MTTP: variants seen among roughly 807,000 people sequenced by gnomAD.
MTTP encodes the protein microsomal triglyceride transfer protein, also known as microsomal triglyceride transfer protein large subunit.
MTTP carries 49 observed loss-of-function variants against 90.6 expected under a neutral mutation model. That is an observed-to-expected ratio of 0.54 (90% CI 0.43 to 0.69). The LOEUF (loss-of-function observed/expected upper bound fraction) is 0.69, where lower values mean the gene tolerates loss of function less well. Ranked by LOEUF, MTTP falls within the 30% of genes least tolerant of loss-of-function variation. The pLI is 0.00. For missense variants in MTTP, 945 were observed against 1,067.5 expected (o/e 0.89, Z 1.60); for synonymous variants, 347 against 384.2 (o/e 0.90, Z 1.13).
intron 3 of MTTP, chr4:99,583,724 T>A (rs1725185606): frequency 4.7e-6 from 3 of 638,488 alleles, no homozygotes; most frequent in Non-Finnish European, 8.2e-6. Context: ...CCAATTTGTT[T>A]CCTATTTTTC....
chr4:99,605,861 C>T (rs1358787303), intron 10 of MTTP, among the ~76,000 whole-genome samples: 2 of 89,956 alleles, frequency 2.2e-5, no homozygotes, highest in African/African-American at 1.5e-4. Context: ...TTCTCCCCAA[C>T]CCCATGTATG....
At chr4:99,590,257 G>A (rs4699756) in intron 4 of MTTP, among the ~76,000 whole-genome samples, 25,763 of 151,948 alleles carry the variant, frequency 0.17, 2,718 homozygotes, top group East Asian at 0.44. Flanking sequence ...CACCATGCCC[G>A]GCTTGTATTT....
At chr4:99,580,959 T>C (rs569827950) in intron 1 of MTTP, among the ~76,000 whole-genome samples, 1 of 152,306 alleles carries the variant, frequency 6.6e-6, no homozygotes, top group East Asian at 1.9e-4. Context: ...CCCATATGTA[T>C]ATTTCCTGAG....
rs184548983 is a variant in MTTP, at chr4:99,612,572, A to G, written c.1990-341A>G. On this transcript the variant is annotated intron_variant, in intron 14 of 17. Coordinates refer to ENST00000265517, the MANE Select transcript of MTTP (RefSeq NM_001386140.1). ...CTAAGAGTCTGTAGGATGCCATCAT[A>G]AAATAGAAAGCTCATGGTTTTCATA... Among the ~76,000 whole-genome samples, 287 of 152,276 alleles carry G rather than the reference A, an allele frequency of 1.9e-3. 3 individuals are homozygous for G. The highest frequency in any genetic ancestry group is 3.8e-3 in the Non-Finnish European group (256 of 68,016).
In MTTP at chr4:99,623,553, A is replaced by G. The variant is rs968580596; in HGVS notation, c.*705A>G. 6.5e-6 allele frequency: 1 copy of G among 152,674 alleles called. No homozygotes were observed. The highest frequency in any genetic ancestry group is 2.4e-5 in the African/African-American group (1 of 41,462). 9.5% of individuals were successfully genotyped at this position (152,674 alleles called of 1,614,324 possible). ...CCAGCCCTGCAAAAATATTGGACCTAGCACAGAGGAATCAGGAAAATTAAT... is the reference window on the plus strand; with the variant it reads ...CCAGCCCTGCAAAAATATTGGACCTGGCACAGAGGAATCAGGAAAATTAAT... On this transcript the variant is annotated 3_prime_UTR_variant, in exon 18 of 18. Coordinates refer to ENST00000265517, the MANE Select transcript of MTTP (RefSeq NM_001386140.1).
chr4:99,564,403 C>T, intron 1 of MTTP: 1 of 646,464 alleles, frequency 1.5e-6, no homozygotes, highest in Middle Eastern at 4.5e-4. Flanking sequence ...TTACATAACT[C>T]AAGTGGAAAA....
chr4:99,571,787 T>G (rs1724847800), upstream of MTTP, among the ~76,000 whole-genome samples: 1 of 152,078 alleles, frequency 6.6e-6, no homozygotes, highest in South Asian at 2.1e-4. Context: ...CTTAAGAAAT[T>G]TTTTCAAGAT....
intron 1 of MTTP, among the ~76,000 whole-genome samples, chr4:99,580,603 A>G (rs1465258928): frequency 6.7e-6 from 1 of 149,168 alleles, no homozygotes; most frequent in Non-Finnish European, 1.5e-5. Context: ...AAAAAAAAGA[A>G]TCATGTCTCT....
intron 1 of MTTP, among the ~76,000 whole-genome samples, chr4:99,576,334 G>A (rs1222187236): frequency 2.0e-5 from 3 of 152,116 alleles, no homozygotes; most frequent in African/African-American, 7.2e-5. Context: ...TACTTATCAT[G>A]AGCTTCTCCT....
At chr4:99,611,504 C>G in intron 14 of MTTP, 51 bp downstream of exon 14, 2 of 1,601,034 alleles carry the variant, frequency 1.2e-6, no homozygotes, top group South Asian at 1.1e-5. Context: ...AGAAATCAGG[C>G]TGAGGTAAAA....
At chr4:99,591,845 A>G in intron 6 of MTTP, 55 bp downstream of exon 6, 1 of 1,442,952 alleles carries the variant, frequency 6.9e-7, no homozygotes, top group East Asian at 2.4e-5. Flanking sequence ...ATATTATTAT[A>G]CTTGATTTGT....
chr4:99,570,386 CTCTT>C (rs138119446), upstream of MTTP, among the ~76,000 whole-genome samples: 21,527 of 151,882 alleles, frequency 0.14, 1,901 homozygotes, highest in East Asian at 0.43. Flanking sequence ...TTGTCTGCTT[CTCTT>C]TCTTCTTGAA....
intron 1 of MTTP, 116 bp downstream of exon 1, chr4:99,575,086 A>C: frequency 8.3e-7 from 1 of 1,207,782 alleles, no homozygotes; most frequent in Non-Finnish European, 1.2e-6. Flanking sequence ...TGACTAAACT[A>C]TCTTCAAAAC....
intron 1 of MTTP, among the ~76,000 whole-genome samples, chr4:99,576,694 CAAAAAA>C (rs10630406): frequency 1.4e-5 from 1 of 70,002 alleles, no homozygotes; most frequent in African/African-American, 6.0e-5. Context: ...GACTCCGTCT[CAAAAAA>C]AAAAAAAAAA....
At chr4:99,591,208 G>A in intron 4 of MTTP, 27 bp from the exon 5 acceptor site, 1 of 1,504,158 alleles carries the variant, frequency 6.6e-7, no homozygotes. Context: ...GGAATCCCAA[G>A]CATTATGCCC....
intron 1 of MTTP, among the ~76,000 whole-genome samples, chr4:99,565,728 A>C (rs1332966720): frequency 6.6e-6 from 1 of 152,250 alleles, no homozygotes. Flanking sequence ...TCCTTGAGGC[A>C]GAGGACATAG....
At chr4:99,574,417 C>G (rs1057269484), upstream of MTTP, among the ~76,000 whole-genome samples, 1 of 152,106 alleles carries the variant, frequency 6.6e-6, no homozygotes, top group South Asian at 2.1e-4. Context: ...GATGTCCATA[C>G]AAGAAAAATT....
upstream of MTTP, among the ~76,000 whole-genome samples, chr4:99,574,086 C>T (rs879017520): frequency 6.6e-6 from 1 of 152,192 alleles, no homozygotes; most frequent in South Asian, 2.1e-4. Flanking sequence ...AATTCCCCCT[C>T]TTAATCTCTT....
rs767606327 is a variant in MTTP at position 99,613,118 on chromosome 4, T to G, written c.2195T>G (p.Ile732Ser). 6.2e-6 allele frequency: 10 copies of G among 1,613,820 alleles called. No homozygotes were observed. Among genetic ancestry groups the G allele is most frequent in the Non-Finnish European group, 8.5e-6 (10 of 1,179,762 alleles). The change falls in exon 15 of 18, where the codon ATT (isoleucine) becomes AGT (serine). Residue 732 changes from isoleucine (I) to serine (S), a missense_variant. Coordinates refer to ENST00000265517, the MANE Select transcript of MTTP (RefSeq NM_001386140.1). ...CCTATCAGTGTGGTGAAAGGACTTA[T>G]TCTGCTAATAGATCATTCTCAGGTA... ...GDPISVVKGL[I>S]LLIDHSQELQ...
Sources: allele counts gnomAD v4.1 joint callset (sites outside exome capture counted in the v4.1 genomes callset), GRCh38; gene constraint gnomAD v4.1.1; transcripts MANE v1.5; gene names NCBI Gene and HGNC (gene_info 2026-07-23, HGNC 2026-07-21).